The following SNX15 variants were observed in gnomAD, a reference collection of about 807,000 sequenced individuals.
SNX15 encodes the protein sorting nexin-15.
SNX15 carries 29 observed loss-of-function variants against 35.2 expected under a neutral mutation model. The observed-to-expected ratio is 0.82, with a 90% CI of 0.61 to 1.12. The LOEUF is 1.12. Among genes scored for constraint, SNX15 ranks in the 50% most tolerant of loss-of-function variants. The probability of loss-of-function intolerance (pLI) is 0.00; values close to 1 mark genes in which losing one functional copy is unlikely to be tolerated. For synonymous variants in SNX15, 189 were observed against 188.2 expected (o/e 1.00, Z -0.03); for missense variants, 400 against 451.5 (o/e 0.89, Z 1.03).
chr11:65,037,398 T>TTGTAGAGATGAGATCTCACTA (rs1946515389), intron 6 of SNX15: 1 of 151,610 alleles, frequency 6.6e-6, no homozygotes, highest in African/African-American at 2.4e-5. Context: ...TTTTGATTTT[T>TTGTAGAGATGAGATCTCACTA]TGTAGAGATG....
chr11:65,030,423 C>T (rs964250060), intron 1 of SNX15, among the ~76,000 whole-genome samples: 19 of 150,538 alleles, frequency 1.3e-4, no homozygotes, highest in African/African-American at 4.5e-4. Context: ...AAACTCCTGG[C>T]CTCAAGCAAT....
At chr11:65,035,855 G>T (rs754438884) in intron 6 of SNX15, 192 bp downstream of exon 6, 11 of 526,188 alleles carry the variant, frequency 2.1e-5, no homozygotes, top group Non-Finnish European at 3.2e-5. Context: ...GTGGTGTGGT[G>T]TGCTGGATGC....
chr11:65,039,854 C>T lies in SNX15; in HGVS notation c.*62C>T. 1 of 1,143,640 alleles carries T rather than the reference C, an allele frequency of 8.7e-7. No homozygotes were observed. Among genetic ancestry groups the T allele is most frequent in the African/African-American group, 1.5e-5 (1 of 65,376 alleles). The allele number at this position is 1,143,640 out of a possible 1,614,324, so 70.8% of individuals were successfully genotyped here. ...CACTGCCAGCCCCTTCTCCTCTCCC[C>T]AGGGCCTGGCCCTACCTCCTGGTCT... On this transcript the variant is annotated 3_prime_UTR_variant, in exon 8 of 8. Coordinates refer to ENST00000377244, the MANE Select transcript of SNX15 (RefSeq NM_013306.5).
intron 1 of SNX15, 64 bp from the exon 2 acceptor site, chr11:65,032,104 A>G (rs1052814681): frequency 3.2e-6 from 5 of 1,543,926 alleles, no homozygotes. Flanking sequence ...CTGGGGCATT[A>G]CAGGGTGAGA....
intron 3 of SNX15, among the ~76,000 whole-genome samples, chr11:65,034,462 G>A (rs1030714795): frequency 1.3e-5 from 2 of 152,178 alleles, no homozygotes; most frequent in African/African-American, 4.8e-5. Flanking sequence ...CCTTGGGCAA[G>A]TCACTTTCCC....
At position 65,027,504 on chromosome 11, in the gene SNX15, A is replaced by C; in HGVS notation, c.-34A>C. On this transcript the variant is annotated 5_prime_UTR_variant, in exon 1 of 8. Coordinates refer to ENST00000377244, the MANE Select transcript of SNX15 (RefSeq NM_013306.5). The stretch of plus-strand genomic sequence containing the variant: ...AGGGGTGGGGACGGCGAGGAGGTGG[A>C]GGCCGGCGCTCCGCTCCGCTCCAGC... The C allele has an allele frequency of 2.5e-6, 4 of 1,577,524 alleles. No homozygotes were observed. The highest frequency in any genetic ancestry group is 2.6e-6 in the Non-Finnish European group (3 of 1,147,670).
chr11:65,040,509 A>G lies in SNX15; in HGVS notation c.*717A>G, dbSNP rs1225444695. 2 of 152,208 alleles carry G rather than the reference A, an allele frequency of 1.3e-5. No homozygotes were observed. The highest frequency in any genetic ancestry group is 1.3e-4 in the Admixed American group (2 of 15,276). 9.4% of individuals were successfully genotyped at this position (152,208 alleles called of 1,614,324 possible). On this transcript the variant is annotated 3_prime_UTR_variant, in exon 8 of 8. Transcript: ENST00000377244. ...TCTGTGACAATGACAGGTGAAATTT[A>G]TATGTGACAAGTGAAAATTATATGA...
In SNX15 at chr11:65,038,753, T is replaced by C. The variant is rs143255793; in HGVS notation, c.846T>C (p.Asp282=). The C allele has an allele frequency of 6.2e-7, 1 of 1,602,092 alleles. No individual in the cohort carries two copies. Among genetic ancestry groups the C allele is most frequent in the African/African-American group, 1.3e-5 (1 of 74,834 alleles). Residue 282 remains aspartate, a synonymous_variant, in exon 7 of 8, where the codon GAT becomes GAC. Coordinates refer to ENST00000377244, the MANE Select transcript of SNX15 (RefSeq NM_013306.5). ...ATELITQALR[D]EKAGAYAAAL... is the part of the protein sequence containing the mutation. ...AGCTCATCACCCAGGCCCTGCGGGA[T>C]GAGAAGGCAGGCGCTTACGCTGCTG...
At position 65,035,133 on chromosome 11, in the gene SNX15, G is replaced by T. The variant is rs757575728; in HGVS notation, c.447G>T (p.Pro149=). 1.3e-6 allele frequency: 1 copy of T among 754,430 alleles called. No homozygotes were observed. The highest frequency in any genetic ancestry group is 1.4e-5 in the South Asian group (1 of 71,904). 46.7% of individuals were successfully genotyped at this position (754,430 alleles called of 1,614,324 possible). ...TGCCACCCCCTCTGATCCCCACCCC[G>T]CCCCCTGATGACCCCCGGCTATCCC... ...HILPPPLIPT[P]PPDDPRLSQL... Residue 149 remains proline, a synonymous_variant, in exon 5 of 8, where the codon CCG becomes CCT. Coordinates refer to ENST00000377244, the MANE Select transcript of SNX15 (RefSeq NM_013306.5).
intron 7 of SNX15, among the ~76,000 whole-genome samples, 200 bp downstream of exon 7, chr11:65,039,029 C>CTTTTTTGTTTTTTTTTTTT (rs1946538251): frequency 1.4e-5 from 1 of 72,528 alleles, no homozygotes; most frequent in Non-Finnish European, 3.1e-5. Context: ...TCTTCTTCCT[C>CTTTTTTGTTTTTTTTTTTT]TTTTTTTTTT....
intron 1 of SNX15, among the ~76,000 whole-genome samples, chr11:65,031,938 G>A (rs1946444280): frequency 6.6e-6 from 1 of 152,158 alleles, no homozygotes; most frequent in Non-Finnish European, 1.5e-5. Context: ...AGTCCAAATG[G>A]GCCTTTAGGG....
At chr11:65,028,518 C>T (rs759224490) in intron 1 of SNX15, among the ~76,000 whole-genome samples, 3 of 152,042 alleles carry the variant, frequency 2.0e-5, no homozygotes, top group Non-Finnish European at 4.4e-5. Flanking sequence ...ACGTCTTTTC[C>T]ATGCCTAAAA....
chr11:65,034,543 C>T (rs1174220376), intron 3 of SNX15, among the ~76,000 whole-genome samples: 2 of 152,248 alleles, frequency 1.3e-5, no homozygotes, highest in African/African-American at 4.8e-5. Flanking sequence ...AACTGCCTAG[C>T]TCCCCCTGGG....
At chr11:65,031,460 T>C (rs899517757) in intron 1 of SNX15, among the ~76,000 whole-genome samples, 1 of 152,232 alleles carries the variant, frequency 6.6e-6, no homozygotes, top group Admixed American at 6.5e-5. Context: ...TCAACTCCAG[T>C]GATGGTTTCT....
rs200754789 is a variant in SNX15 at position 65,027,656 on chromosome 11, G to C, written c.99+20G>C. 3 of 1,585,032 alleles carry C rather than the reference G, an allele frequency of 1.9e-6. No individual in the cohort carries two copies. Among genetic ancestry groups the C allele is most frequent in the East Asian group, 2.2e-5 (1 of 44,722 alleles). On this transcript the variant is annotated intron_variant, in intron 1 of 7. Transcript: ENST00000377244. ...GCGCAGGTGAGGTGGGGCCCAGCGC[G>C]TACTTTACCCTTTTAACTAGAGGGG...
chr11:65,039,900 C>A lies in SNX15; in HGVS notation c.*108C>A. 1.5e-6 allele frequency: 1 copy of A among 645,814 alleles called. No homozygotes were observed. Among genetic ancestry groups the A allele is most frequent in the South Asian group, 2.0e-5 (1 of 51,140 alleles). 40.0% of individuals were successfully genotyped at this position (645,814 alleles called of 1,614,324 possible). ...GGTCTTGTAATTACAGGAGCCATTTCTGTAGGTAACTGGACCAAGAATGAG... is the reference window on the plus strand; with the variant it reads ...GGTCTTGTAATTACAGGAGCCATTTATGTAGGTAACTGGACCAAGAATGAG... On this transcript the variant is annotated 3_prime_UTR_variant, in exon 8 of 8. Transcript: ENST00000377244.
chr11:65,029,305 C>T (rs1046039555), intron 1 of SNX15, among the ~76,000 whole-genome samples: 4 of 150,744 alleles, frequency 2.7e-5, no homozygotes, highest in African/African-American at 7.3e-5. Flanking sequence ...TACAGGCACG[C>T]GTCACCATGC....
Position 65,039,750 on chromosome 11 carries a change from A to G in SNX15, c.987A>G (p.Ala329=). ...KKKAAEYLKR[A]EEILRLHLSQ... ...AGGCAGCTGAGTACCTGAAGCGGGC[A>G]GAGGAGATCCTGCGCCTGCACCTGT... Residue 329 remains alanine, a synonymous_variant, in exon 8 of 8, where the codon GCA becomes GCG. Transcript: ENST00000377244. The G allele has an allele frequency of 6.2e-7, 1 of 1,613,666 alleles. No individual in the cohort carries two copies. Among genetic ancestry groups the G allele is most frequent in the Non-Finnish European group, 8.5e-7 (1 of 1,179,852 alleles).
At chr11:65,032,254 A>G (rs778007059) in intron 2 of SNX15, 51 bp downstream of exon 2, 2 of 1,597,562 alleles carry the variant, frequency 1.3e-6, no homozygotes, top group Non-Finnish European at 1.7e-6. Context: ...AGATCTGGAA[A>G]CTGTCAAGGG....
Sources: allele counts gnomAD v4.1 joint callset (sites outside exome capture counted in the v4.1 genomes callset), GRCh38; gene constraint gnomAD v4.1.1; transcripts MANE v1.5; gene names NCBI Gene and HGNC (gene_info 2026-07-23, HGNC 2026-07-21).